Variants in ANAPC1 observed in about 807,000 individuals in gnomAD.
ANAPC1 encodes anaphase-promoting complex subunit 1.
A neutral mutation model predicts 208.0 loss-of-function variants in ANAPC1; 36 were observed. The ratio of observed to expected loss-of-function variants is 0.17; its 90% confidence interval spans 0.13 to 0.23. The LOEUF (loss-of-function observed/expected upper bound fraction) is 0.23, where lower values mean the gene tolerates loss of function less well. Among genes scored for constraint, ANAPC1 ranks in the 10% least tolerant of loss-of-function variants. The pLI is 1.00. For missense variants in ANAPC1, 942 were observed against 2,011.6 expected (o/e 0.47, Z 10.17); for synonymous variants, 378 against 695.2 (o/e 0.54, Z 7.18).
rs202043794 is a variant in ANAPC1 at position 111,878,857 on chromosome 2, C to T, written c.328G>A (p.Ala110Thr). Residue 110 changes from alanine (A) to threonine (T), a missense_variant, in exon 3 of 48, where the codon GCA (alanine) becomes ACA (threonine). By Grantham distance (58) the Ala-to-Thr change is moderately conservative (BLOSUM62 0). Transcript: ENST00000341068. ...GTAAATGCTTTATAAACTGCCAATG[C>T]CTGGCTTTTACTTCCTTTGCTCCAT... ...VIWSKGSKSQ[A>T]LAVYKAFTVD... 6 of 1,607,708 alleles carry T rather than the reference C, an allele frequency of 3.7e-6. No homozygotes were observed. The highest frequency in any genetic ancestry group is 2.7e-5 in the African/African-American group (2 of 74,592).
At chr2:111,801,655 G>A (rs1018096278) in intron 33 of ANAPC1, among the ~76,000 whole-genome samples, 4 of 150,926 alleles carry the variant, frequency 2.7e-5, no homozygotes, top group Non-Finnish European at 4.4e-5. Context: ...AATGAGTACC[G>A]CTTTCACACT....
intron 21 of ANAPC1, among the ~76,000 whole-genome samples, chr2:111,827,438 C>T (rs961848005): frequency 1.3e-5 from 2 of 152,110 alleles, no homozygotes; most frequent in African/African-American, 2.4e-5. Context: ...ATGCCATCTC[C>T]GCATATACAA....
chr2:111,876,905 A>G (rs1683051897), intron 3 of ANAPC1, among the ~76,000 whole-genome samples: 1 of 152,096 alleles, frequency 6.6e-6, no homozygotes, highest in Admixed American at 6.6e-5. Context: ...TCTTCCTCCA[A>G]CTTTTTGTTA....
At chr2:111,829,530 TG>T (rs887598776) in intron 21 of ANAPC1, among the ~76,000 whole-genome samples, 1 of 152,114 alleles carries the variant, frequency 6.6e-6, no homozygotes, top group Non-Finnish European at 1.5e-5. Context: ...TGCTCCAGGA[TG>T]GGGGGACTGA....
intron 44 of ANAPC1, chr2:111,779,847 A>G: frequency 4.3e-6 from 1 of 234,142 alleles, no homozygotes; most frequent in Non-Finnish European, 8.4e-6. Flanking sequence ...CCCTGTCTCA[A>G]AAAACAAAAA....
At chr2:111,802,929 T>A (rs951609673) in intron 32 of ANAPC1, 2 of 220,306 alleles carry the variant, frequency 9.1e-6, no homozygotes, top group African/African-American at 6.6e-5. Flanking sequence ...CGTCTTGTAC[T>A]CAACTTATTC....
intron 16 of ANAPC1, among the ~76,000 whole-genome samples, chr2:111,843,842 T>TTTTTTTA (rs1680904947): frequency 6.8e-6 from 1 of 147,698 alleles, no homozygotes. Flanking sequence ...TTTTTTTTTT[T>TTTTTTTA]GAGAGGGTGT....
chr2:111,870,601 T>A (rs149683555), intron 6 of ANAPC1, among the ~76,000 whole-genome samples: 11,630 of 152,312 alleles, frequency 0.076, 627 homozygotes, highest in Non-Finnish European at 0.12. Context: ...TGGATACTAG[T>A]GCTTTGTTGG....
intron 1 of ANAPC1, among the ~76,000 whole-genome samples, chr2:111,881,803 T>A (rs1290514596): frequency 1.2e-4 from 18 of 152,224 alleles, no homozygotes; most frequent in Non-Finnish European, 2.2e-4. Context: ...AGGAACCACA[T>A]TAGCATGAGA....
At chr2:111,781,895 A>G (rs1677301702) in intron 43 of ANAPC1, among the ~76,000 whole-genome samples, 1 of 152,294 alleles carries the variant, frequency 6.6e-6, no homozygotes, top group African/African-American at 2.4e-5. Context: ...GTACTGTGCA[A>G]ATAATAAAGC....
intron 38 of ANAPC1, among the ~76,000 whole-genome samples, chr2:111,791,788 C>T (rs1573333478): frequency 1.3e-5 from 2 of 151,792 alleles, no homozygotes; most frequent in Non-Finnish European, 1.5e-5. Context: ...GAAGCAGAGA[C>T]GGGTGCTGTG....
At chr2:111,853,954 G>A (rs1681557025) in intron 13 of ANAPC1, among the ~76,000 whole-genome samples, 1 of 152,110 alleles carries the variant, frequency 6.6e-6, no homozygotes, top group African/African-American at 2.4e-5. Context: ...CTGACCTCAT[G>A]ATCCACCTGC....
At chr2:111,838,016 C>T (rs1265646008) in intron 18 of ANAPC1, among the ~76,000 whole-genome samples, 2 of 143,404 alleles carry the variant, frequency 1.4e-5, no homozygotes, top group African/African-American at 2.5e-5. Context: ...ACCTGGGAGG[C>T]GGAGATTGCA....
At chr2:111,825,751 C>A in intron 22 of ANAPC1, 26 bp downstream of exon 22, 1 of 1,594,018 alleles carries the variant, frequency 6.3e-7, no homozygotes, top group Non-Finnish European at 8.5e-7. Context: ...AAATTTGTTT[C>A]CAGAGGCAAC....
chr2:111,813,522 G>T (rs1679096227), intron 28 of ANAPC1, among the ~76,000 whole-genome samples: 1 of 148,346 alleles, frequency 6.7e-6, no homozygotes, highest in African/African-American at 2.5e-5. Context: ...CCATCTCAGG[G>T]ATCTCATCTC....
intron 24 of ANAPC1, among the ~76,000 whole-genome samples, chr2:111,824,199 G>A (rs1221831107): frequency 7.4e-6 from 1 of 134,416 alleles, no homozygotes; most frequent in African/African-American, 2.8e-5. Context: ...TATCCTGTAT[G>A]TATACTATGC....
chr2:111,830,213 G>C (rs1174093545), intron 21 of ANAPC1, among the ~76,000 whole-genome samples: 1 of 152,158 alleles, frequency 6.6e-6, no homozygotes, highest in Non-Finnish European at 1.5e-5. Flanking sequence ...AACCAGAATA[G>C]AAAGTCCAGA....
At position 111,772,371 on chromosome 2, in the gene ANAPC1, G is replaced by A. The variant is rs963572665; in HGVS notation, c.5689C>T (p.Pro1897Ser). 2 of 1,610,628 alleles carry A rather than the reference G, an allele frequency of 1.2e-6. No homozygotes were observed. The highest frequency in any genetic ancestry group is 2.2e-5 in the East Asian group (1 of 44,772). ...CFLVYHSVPAPQHLPPIGLEG... is the reference protein window; with the variant it reads ...CFLVYHSVPASQHLPPIGLEG... Reference sequence around the variant, plus strand: ...AGTCCTATAGGTGGCAGGTGCTGTGGAGCTGGCACAGAGTGGTAGACGAGG... The same window carrying A: ...AGTCCTATAGGTGGCAGGTGCTGTGAAGCTGGCACAGAGTGGTAGACGAGG... The change falls in exon 47 of 48, where the codon CCA becomes TCA. Residue 1897 changes from proline to serine, a missense_variant. Physicochemically the swap from Pro to Ser is moderately conservative, Grantham distance 74. Transcript: ENST00000341068.
At chr2:111,857,258 G>T (rs1335077426) in intron 11 of ANAPC1, among the ~76,000 whole-genome samples, 2 of 152,136 alleles carry the variant, frequency 1.3e-5, no homozygotes, top group Non-Finnish European at 1.5e-5. Context: ...TCCTGGTTAT[G>T]ATAATGTATT....
Sources: allele counts gnomAD v4.1 joint callset (sites outside exome capture counted in the v4.1 genomes callset), GRCh38; gene constraint gnomAD v4.1.1; transcripts MANE v1.5; gene names NCBI Gene and HGNC (gene_info 2026-07-23, HGNC 2026-07-21).